Variants in CHIC2 observed in about 807,000 individuals in gnomAD.
CHIC2 encodes the protein cysteine-rich hydrophobic domain-containing protein 2.
CHIC2 carries 14 observed loss-of-function variants against 25.9 expected under a neutral mutation model. The observed-to-expected ratio is 0.54, with a 90% confidence interval of 0.36 to 0.85. The LOEUF is 0.85. Ranked by LOEUF, CHIC2 falls within the 40% of genes least tolerant of loss-of-function variation. The probability of loss-of-function intolerance (pLI) is 0.01; values close to 1 mark genes in which losing one functional copy is unlikely to be tolerated. For synonymous variants in CHIC2, 70 were observed against 72.0 expected (o/e 0.97, Z 0.14); for missense variants, 146 against 202.0 (o/e 0.72, Z 1.68).
At chr4:54,070,745 A>T in the CHIC2 span, among the ~76,000 whole-genome samples, 1 of 152,162 alleles carries the variant, frequency 6.6e-6, no homozygotes, top group Middle Eastern at 3.2e-3. Flanking sequence ...TTAAATCCCC[A>T]AGTGGGAGAC....
the CHIC2 span, among the ~76,000 whole-genome samples, chr4:54,079,910 G>C: frequency 6.6e-6 from 1 of 151,960 alleles, no homozygotes; most frequent in South Asian, 2.1e-4. Flanking sequence ...ATGTAACTTG[G>C]TATAGCCATT....
intron 1 of CHIC2, among the ~76,000 whole-genome samples, chr4:54,056,124 C>T (rs1031054062): frequency 5.9e-5 from 9 of 152,052 alleles, no homozygotes; most frequent in Non-Finnish European, 1.2e-4. Flanking sequence ...CTAGCATTAG[C>T]ATTTTATCAA....
the CHIC2 span, among the ~76,000 whole-genome samples, chr4:54,084,557 G>A: frequency 1.3e-5 from 2 of 151,854 alleles, no homozygotes; most frequent in African/African-American, 4.8e-5. Flanking sequence ...GTTAACTTTG[G>A]CTACCAATGC....
At chr4:54,083,125 C>T in the CHIC2 span, among the ~76,000 whole-genome samples, 1 of 142,218 alleles carries the variant, frequency 7.0e-6, no homozygotes, top group Non-Finnish European at 1.5e-5. Flanking sequence ...AAGCGATTCT[C>T]CTGCCTCAGC....
intron 3 of CHIC2, among the ~76,000 whole-genome samples, chr4:54,044,784 A>G (rs1478042404): frequency 6.6e-6 from 1 of 152,158 alleles, no homozygotes; most frequent in African/African-American, 2.4e-5. Flanking sequence ...AGAAGGCAAG[A>G]AATAACTAAG....
At chr4:54,091,434 C>G in the CHIC2 span, among the ~76,000 whole-genome samples, 1 of 152,158 alleles carries the variant, frequency 6.6e-6, no homozygotes, top group Non-Finnish European at 1.5e-5. Context: ...CACTCTCATT[C>G]ACACCGCACT....
At chr4:54,052,838 T>C (rs1717042401) in intron 1 of CHIC2, among the ~76,000 whole-genome samples, 1 of 152,202 alleles carries the variant, frequency 6.6e-6, no homozygotes, top group Non-Finnish European at 1.5e-5. Flanking sequence ...GTCATACTGT[T>C]TTCTCTTTAG....
rs570036920 is a variant in CHIC2 at position 54,009,964 on chromosome 4, A to C, written c.*131T>G. ...GAACATGCGGTTATTTAAAAAAAAA[A>C]CAAAAACAAAAACAAAAAAAACACC... On this transcript the variant is annotated 3_prime_UTR_variant, in exon 6 of 6. Transcript: ENST00000263921. 3.1e-5 allele frequency: 13 copies of C among 420,560 alleles called. No individual in the cohort carries two copies. Among genetic ancestry groups the C allele is most frequent in the Admixed American group, 1.3e-4 (3 of 22,440 alleles). The allele number at this position is 420,560 out of a possible 1,614,324, so 26.1% of individuals were successfully genotyped here.
chr4:54,072,747 ACTT>A, the CHIC2 span, among the ~76,000 whole-genome samples: 16 of 152,142 alleles, frequency 1.1e-4, no homozygotes, highest in Non-Finnish European at 4.4e-5. Flanking sequence ...AAACAAGTCT[ACTT>A]CTTCTATATG....
chr4:54,064,719 T>C (rs1410415690), upstream of CHIC2: 1 of 951,340 alleles, frequency 1.1e-6, no homozygotes, highest in Non-Finnish European at 1.3e-6. The surrounding 1 kb of genome is among the most constrained non-coding windows in gnomAD (Gnocchi z 4.2). Context: ...GCGGACTGGC[T>C]GGCGGGCGGG....
chr4:54,045,901 C>T (rs1287854987), intron 3 of CHIC2, among the ~76,000 whole-genome samples: 2 of 152,182 alleles, frequency 1.3e-5, no homozygotes, highest in Admixed American at 1.3e-4. Flanking sequence ...CTAGAAAACC[C>T]CATCGTCTCA....
chr4:54,019,150 T>G (rs1373533633), intron 3 of CHIC2, among the ~76,000 whole-genome samples: 1 of 151,920 alleles, frequency 6.6e-6, no homozygotes, highest in African/African-American at 2.4e-5. Context: ...TCATTCTGGA[T>G]TAATATGAAA....
At chr4:54,030,559 C>A (rs1716196078) in intron 3 of CHIC2, among the ~76,000 whole-genome samples, 1 of 125,738 alleles carries the variant, frequency 8.0e-6, no homozygotes, top group Non-Finnish European at 1.7e-5. Context: ...TATGTATACA[C>A]ACACACACAC....
rs758678484 is a variant in CHIC2, at chr4:54,064,259, C to G, written c.42G>C (p.Glu14Asp). 1 of 1,612,146 alleles carries G rather than the reference C, an allele frequency of 6.2e-7. No homozygotes were observed. Among genetic ancestry groups the G allele is most frequent in the South Asian group, 1.1e-5 (1 of 90,718 alleles). Reference protein sequence around the residue: ...FDEIYEEEEDEERALEEQLLK... With the variant: ...FDEIYEEEEDDERALEEQLLK... ...GCAGCTGCTCCTCCAGGGCCCGCTC[C>G]TCGTCCTCCTCTTCCTCATAGATTT... Residue 14 changes from glutamate (E) to aspartate (D), a missense_variant, in exon 1 of 6, where the codon GAG becomes GAC. Physicochemically the swap from Glu to Asp is conservative, Grantham distance 45. Transcript: ENST00000263921. The surrounding 1 kb of genome is among the most constrained non-coding windows in gnomAD (Gnocchi z 4.2).
chr4:54,025,568 A>T (rs974965918), intron 3 of CHIC2, among the ~76,000 whole-genome samples: 2 of 152,116 alleles, frequency 1.3e-5, no homozygotes, highest in African/African-American at 4.8e-5. Flanking sequence ...CAGGTAGAAA[A>T]GGGGTAAAGG....
intron 3 of CHIC2, among the ~76,000 whole-genome samples, chr4:54,038,720 C>CT (rs1716469398): frequency 6.6e-6 from 1 of 152,026 alleles, no homozygotes; most frequent in African/African-American, 2.4e-5. Context: ...GATTTCAAAA[C>CT]TTACTATAAA....
At chr4:54,034,111 A>G (rs1716311560) in intron 3 of CHIC2, among the ~76,000 whole-genome samples, 1 of 152,118 alleles carries the variant, frequency 6.6e-6, no homozygotes. Context: ...TGGCCACTTA[A>G]AAGTATTTCC....
intron 3 of CHIC2, 140 bp downstream of exon 3, chr4:54,048,815 C>A: frequency 1.6e-6 from 1 of 633,410 alleles, no homozygotes; most frequent in East Asian, 3.1e-5. Context: ...TTTACTGACT[C>A]ACTCCTCTCC....
chr4:54,066,506 C>T (rs1170678468), upstream of CHIC2, among the ~76,000 whole-genome samples: 1 of 152,044 alleles, frequency 6.6e-6, no homozygotes, highest in Admixed American at 6.5e-5. Context: ...TGCTATGTTT[C>T]AGAGATGCTA....
Sources: gnomAD v4.1 joint callset for allele counts (sites outside exome capture counted in the v4.1 genomes callset) on GRCh38, gnomAD v4.1.1 for gene constraint, Gnocchi (gnomAD v3.1) non-coding constraint, MANE v1.5 for transcripts, NCBI Gene and HGNC (gene_info 2026-07-23, HGNC 2026-07-21) for gene names.